The following BICC1 variants were observed in gnomAD, a reference collection of about 807,000 sequenced individuals.
BICC1 encodes the protein BicC family RNA binding protein 1.
BICC1 carries 43 observed loss-of-function variants against 111.0 expected under a neutral mutation model. The observed-to-expected ratio is 0.39, with a 90% CI of 0.30 to 0.50. The LOEUF is 0.50. Ranked by LOEUF, BICC1 falls within the 20% of genes least tolerant of loss-of-function variation. The probability of loss-of-function intolerance (pLI) is 0.88; values close to 1 mark genes in which losing one functional copy is unlikely to be tolerated. For missense variants in BICC1, 1,091 were observed against 1,203.2 expected (o/e 0.91, Z 1.38); for synonymous variants, 467 against 434.4 (o/e 1.07, Z -0.93).
At chr10:58,768,771 T>C (rs1255629608) in intron 3 of BICC1, among the ~76,000 whole-genome samples, 1 of 152,092 alleles carries the variant, frequency 6.6e-6, no homozygotes, top group Non-Finnish European at 1.5e-5. Flanking sequence ...TGTAACTCCA[T>C]TGTAACATCA....
intron 3 of BICC1, among the ~76,000 whole-genome samples, chr10:58,734,203 G>A (rs138704331): frequency 6.6e-6 from 1 of 152,294 alleles, no homozygotes; most frequent in East Asian, 1.9e-4. Flanking sequence ...TCTGTGACTT[G>A]CCGACTTGGC....
Position 58,803,059 on chromosome 10 carries a change from C to G in BICC1, c.2016-18C>G. ...GTATATATAGTGGAGTGTTAAATTCCACACTCTTATTTCACAGCAGCACTG... is the reference window on the plus strand; with the variant it reads ...GTATATATAGTGGAGTGTTAAATTCGACACTCTTATTTCACAGCAGCACTG... On this transcript the variant is annotated intron_variant, in intron 14 of 20. Coordinates refer to ENST00000373886, the MANE Select transcript of BICC1 (RefSeq NM_001080512.3). 6.4e-7 allele frequency: 1 copy of G among 1,561,522 alleles called. No homozygotes were observed. Among genetic ancestry groups the G allele is most frequent in the Non-Finnish European group, 8.7e-7 (1 of 1,153,264 alleles).
At position 58,806,702 on chromosome 10, in the gene BICC1, C is replaced by T. The variant is rs560142766; in HGVS notation, c.2221+79C>T. 14 of 1,244,092 alleles carry T rather than the reference C, an allele frequency of 1.1e-5. No homozygotes were observed. In the South Asian group the frequency reaches 1.6e-4, roughly 14 times the overall value. The allele number at this position is 1,244,092 out of a possible 1,614,324, so 77.1% of individuals were successfully genotyped here. On this transcript the variant is annotated intron_variant, in intron 16 of 20. Transcript: ENST00000373886. ...TGTTTTTTGAGTACTCATGGTGAAT[C>T]GAGAACTTGAAAACTCAGAAAAAGA...
intron 2 of BICC1, among the ~76,000 whole-genome samples, chr10:58,649,581 A>G (rs1243550704): frequency 6.6e-6 from 1 of 152,190 alleles, no homozygotes; most frequent in Non-Finnish European, 1.5e-5. Context: ...AGAGAGCTGC[A>G]CCTGTGGAGG....
intron 2 of BICC1, among the ~76,000 whole-genome samples, chr10:58,686,307 T>C (rs534124296): frequency 1.8e-4 from 28 of 152,344 alleles, no homozygotes; most frequent in African/African-American, 6.5e-4. Flanking sequence ...ATTTTTTCCT[T>C]CATTTCAACT....
At chr10:58,650,966 C>A (rs190921121) in intron 2 of BICC1, 157 of 152,028 alleles carry the variant, frequency 1.0e-3, no homozygotes, top group African/African-American at 3.7e-3. Flanking sequence ...GGTAACACTT[C>A]TGTTAGAGTT....
chr10:58,814,686 C>T (rs1043246366), intron 18 of BICC1, among the ~76,000 whole-genome samples: 2 of 149,362 alleles, frequency 1.3e-5, no homozygotes, highest in African/African-American at 2.5e-5. Context: ...TCTTAGCCTA[C>T]GTGGGAGACT....
At chr10:58,541,135 A>T (rs1004922074) in intron 1 of BICC1, among the ~76,000 whole-genome samples, 11 of 152,112 alleles carry the variant, frequency 7.2e-5, no homozygotes, top group African/African-American at 9.7e-5. Flanking sequence ...TCTCTTTAAG[A>T]TGATGCACAA....
intron 3 of BICC1, among the ~76,000 whole-genome samples, chr10:58,742,857 C>T (rs1168171610): frequency 6.6e-6 from 1 of 152,072 alleles, no homozygotes; most frequent in Non-Finnish European, 1.5e-5. Context: ...TCTACCATTC[C>T]ATTATCATTA....
chr10:58,605,862 A>G (rs908589037), intron 1 of BICC1, among the ~76,000 whole-genome samples: 3 of 152,212 alleles, frequency 2.0e-5, no homozygotes, highest in Non-Finnish European at 2.9e-5. Flanking sequence ...GTTTCCTGAC[A>G]AGCAACTAAT....
intron 1 of BICC1, among the ~76,000 whole-genome samples, chr10:58,616,063 C>T (rs896738579): frequency 6.6e-5 from 10 of 151,690 alleles, no homozygotes; most frequent in Admixed American, 1.3e-4. Flanking sequence ...TAGAAGCTGC[C>T]GTAAGTGGGG....
chr10:58,800,352 T>C, intron 13 of BICC1, 26 bp downstream of exon 13: 1 of 1,605,110 alleles, frequency 6.2e-7, no homozygotes, highest in Non-Finnish European at 8.5e-7. Context: ...CTTCTGAAAT[T>C]CATTTTGGTT....
intron 1 of BICC1, among the ~76,000 whole-genome samples, chr10:58,532,890 G>T (rs1433937082): frequency 6.6e-6 from 1 of 151,782 alleles, no homozygotes; most frequent in East Asian, 1.9e-4. Context: ...ATGAAACATG[G>T]TTTTGCCAGT....
chr10:58,531,738 A>C (rs982050563), intron 1 of BICC1, among the ~76,000 whole-genome samples: 1 of 151,878 alleles, frequency 6.6e-6, no homozygotes, highest in Non-Finnish European at 1.5e-5. Flanking sequence ...CAGGAATTCT[A>C]AATAACTAAA....
intron 2 of BICC1, among the ~76,000 whole-genome samples, chr10:58,687,061 G>A (rs1332113968): frequency 1.3e-5 from 2 of 151,990 alleles, no homozygotes; most frequent in Non-Finnish European, 2.9e-5. Flanking sequence ...TGGTATGGAT[G>A]TCCTTTCTGT....
intron 1 of BICC1, among the ~76,000 whole-genome samples, chr10:58,554,368 A>G (rs1431705564): frequency 1.3e-5 from 2 of 152,190 alleles, no homozygotes; most frequent in African/African-American, 4.8e-5. Flanking sequence ...TAAGACAAAA[A>G]TGGGAGAATT....
At chr10:58,633,543 G>A (rs553729103) in intron 2 of BICC1, among the ~76,000 whole-genome samples, 18 of 152,236 alleles carry the variant, frequency 1.2e-4, no homozygotes, top group Middle Eastern at 3.4e-3. Context: ...TTCAGCTATT[G>A]TGATGCCATC....
intron 2 of BICC1, chr10:58,648,692 T>G (rs1383202450): frequency 2.0e-6 from 2 of 980,040 alleles, no homozygotes; most frequent in Non-Finnish European, 1.2e-6. Flanking sequence ...TCTACACTGT[T>G]GGAAATCCTC....
intron 3 of BICC1, among the ~76,000 whole-genome samples, chr10:58,782,494 G>A (rs1369373154): frequency 6.6e-6 from 1 of 152,190 alleles, no homozygotes; most frequent in Non-Finnish European, 1.5e-5. Context: ...GCCAGTTACT[G>A]AGTCCTGAAG....
Sources: allele counts gnomAD v4.1 joint callset (sites outside exome capture counted in the v4.1 genomes callset), GRCh38; gene constraint gnomAD v4.1.1; transcripts MANE v1.5; gene names NCBI Gene and HGNC (gene_info 2026-07-23, HGNC 2026-07-21).